AUTS2: variants seen among roughly 807,000 people sequenced by gnomAD.
The protein encoded by AUTS2 is activator of transcription and developmental regulator AUTS2.
AUTS2 carries 17 observed loss-of-function variants against 112.4 expected under a neutral mutation model. The observed-to-expected ratio is 0.15, with a 90% CI of 0.10 to 0.23. The LOEUF (loss-of-function observed/expected upper bound fraction) is 0.23. AUTS2 is among the 10% of genes least tolerant of loss of function. The probability of loss-of-function intolerance (pLI) is 1.00; values close to 1 mark genes in which losing one functional copy is unlikely to be tolerated. For missense variants in AUTS2, 1,510 were observed against 1,701.6 expected, an observed-to-expected ratio of 0.89 and a Z score of 1.98; for synonymous variants, 751 against 702.7, an observed-to-expected ratio of 1.07 and a Z score of -1.09.
intron 4 of AUTS2, among the ~76,000 whole-genome samples, chr7:70,180,822 A>G (rs1185373792): frequency 1.3e-5 from 2 of 152,054 alleles, no homozygotes; most frequent in African/African-American, 4.8e-5. Context: ...CTTGTCATCA[A>G]TCTCTTTAAA....
In AUTS2 at chr7:70,357,658, T is replaced by C. The variant is rs548902753; in HGVS notation, c.661-78094T>C. On this transcript the variant is annotated intron_variant, in intron 4 of 18. Transcript: ENST00000342771. ...TGTAAACGCACGGCCTTTTTAAGTG[T>C]GGAAGGGAATGTCTAGACTTGATAC... Among the ~76,000 whole-genome samples, 13 of 152,220 alleles carry C rather than the reference T, an allele frequency of 8.5e-5. No homozygotes were observed. The South Asian group carries it at 2.7e-3, about 32-fold the overall frequency.
At chr7:70,286,982 A>C (rs2129611364) in intron 4 of AUTS2, among the ~76,000 whole-genome samples, 1 of 152,306 alleles carries the variant, frequency 6.6e-6, no homozygotes, top group South Asian at 2.1e-4. Flanking sequence ...TATTCCTTAT[A>C]AGAATCATAT....
chr7:70,242,386 A>G (rs186085112), intron 4 of AUTS2, among the ~76,000 whole-genome samples: 3 of 151,714 alleles, frequency 2.0e-5, no homozygotes, highest in African/African-American at 7.3e-5. Context: ...TCTCTCATCC[A>G]TTTCTGTTTC....
chr7:70,605,036 T>A (rs566336336), intron 5 of AUTS2, among the ~76,000 whole-genome samples: 13 of 152,226 alleles, frequency 8.5e-5, no homozygotes, highest in African/African-American at 3.1e-4. Context: ...CTTGTGGTAA[T>A]GTTTTAGGGC....
intron 5 of AUTS2, among the ~76,000 whole-genome samples, chr7:70,588,198 T>A (rs1802771915): frequency 6.6e-6 from 1 of 152,190 alleles, no homozygotes; most frequent in African/African-American, 2.4e-5. Flanking sequence ...CTTTAGGATC[T>A]CTGCTCCTCT....
chr7:70,235,629 C>G (rs1812284898), intron 4 of AUTS2, among the ~76,000 whole-genome samples: 1 of 151,902 alleles, frequency 6.6e-6, no homozygotes, highest in Admixed American at 6.6e-5. Context: ...TATCTTCCAC[C>G]CCTGTGTTTT....
At chr7:70,454,958 C>T (rs1011162979) in intron 5 of AUTS2, among the ~76,000 whole-genome samples, 1 of 152,146 alleles carries the variant, frequency 6.6e-6, no homozygotes. Context: ...ACAGTAGGGC[C>T]CACTGCTGCT....
chr7:69,753,224 ACTT>A (rs1459713125), intron 1 of AUTS2, among the ~76,000 whole-genome samples: 1 of 152,134 alleles, frequency 6.6e-6, no homozygotes, highest in African/African-American at 2.4e-5. Context: ...ATCTCCTTTT[ACTT>A]CTTTGTGGAG....
chr7:70,031,065 G>T (rs1037655430), intron 2 of AUTS2, among the ~76,000 whole-genome samples: 5 of 152,128 alleles, frequency 3.3e-5, no homozygotes, highest in Admixed American at 6.6e-5. Flanking sequence ...AGGGAGGACT[G>T]TAAGGGAAAA....
intron 4 of AUTS2, among the ~76,000 whole-genome samples, chr7:70,431,301 T>C (rs1010567552): frequency 2.0e-5 from 3 of 152,272 alleles, no homozygotes; most frequent in Non-Finnish European, 4.4e-5. Flanking sequence ...TCCTTAAGAC[T>C]GGAAAGACTT....
intron 2 of AUTS2, among the ~76,000 whole-genome samples, chr7:69,991,878 T>G (rs1247714238): frequency 6.6e-6 from 1 of 152,094 alleles, no homozygotes; most frequent in Non-Finnish European, 1.5e-5. Context: ...TCTAAGACAT[T>G]TTTTTTGTCT....
At chr7:70,526,282 A>T (rs1019224375) in intron 5 of AUTS2, among the ~76,000 whole-genome samples, 2 of 152,186 alleles carry the variant, frequency 1.3e-5, no homozygotes, top group African/African-American at 4.8e-5. Context: ...GTTGCCTAAG[A>T]CACCGCACGC....
chr7:69,961,577 C>T (rs928013509), intron 2 of AUTS2, among the ~76,000 whole-genome samples: 1 of 152,068 alleles, frequency 6.6e-6, no homozygotes, highest in Non-Finnish European at 1.5e-5. Flanking sequence ...GTTGTCTTCT[C>T]TTTTTATAGC....
rs532475524 is a variant in AUTS2, at chr7:70,212,405, A to G, written c.660+77834A>G. ...TCCCTCTGTCAGAATCCTTTGCTCC[A>G]TTAGAAGGGAGACTGGGACCACGTT... is the stretch of plus-strand genomic sequence containing the variant. On this transcript the variant is annotated intron_variant, in intron 4 of 18. Coordinates refer to ENST00000342771, the MANE Select transcript of AUTS2 (RefSeq NM_015570.4). Among the ~76,000 whole-genome samples, 121 of 152,328 alleles carry G rather than the reference A, an allele frequency of 7.9e-4. 5 individuals are homozygous for G. The highest frequency in any genetic ancestry group is 3.9e-3 in the South Asian group (19 of 4,830).
At chr7:69,871,079 T>C (rs1262035974) in intron 1 of AUTS2, among the ~76,000 whole-genome samples, 1 of 152,204 alleles carries the variant, frequency 6.6e-6, no homozygotes, top group Non-Finnish European at 1.5e-5. Flanking sequence ...CTTGTTGATA[T>C]GCACACATTT....
At chr7:70,375,609 T>C (rs928044195) in intron 4 of AUTS2, among the ~76,000 whole-genome samples, 3 of 152,248 alleles carry the variant, frequency 2.0e-5, no homozygotes, top group East Asian at 1.9e-4. Context: ...TTATTTGTAA[T>C]GATTCCACAT....
intron 2 of AUTS2, among the ~76,000 whole-genome samples, chr7:70,037,574 T>A (rs1423984657): frequency 6.6e-6 from 1 of 152,190 alleles, no homozygotes; most frequent in South Asian, 2.1e-4. Context: ...CAATTAAAAA[T>A]TTTTTATATA....
intron 5 of AUTS2, among the ~76,000 whole-genome samples, chr7:70,648,238 C>T (rs1013065410): frequency 1.1e-4 from 17 of 152,230 alleles, no homozygotes; most frequent in Non-Finnish European, 1.9e-4. Context: ...CATAGTACTC[C>T]GCCCCCCTCC....
At chr7:70,779,830 G>A (rs1790949741) in intron 14 of AUTS2, among the ~76,000 whole-genome samples, 1 of 152,068 alleles carries the variant, frequency 6.6e-6, no homozygotes, top group African/African-American at 2.4e-5. Context: ...GAGCCCAGGA[G>A]TTCAAGACCA....
Sources: allele counts gnomAD v4.1 joint callset (sites outside exome capture counted in the v4.1 genomes callset), GRCh38; gene constraint gnomAD v4.1.1; transcripts MANE v1.5; gene names NCBI Gene and HGNC (gene_info 2026-07-23, HGNC 2026-07-21).